GPHN: variants seen among roughly 807,000 people sequenced by gnomAD.
GPHN encodes the protein gephyrin.
Under a neutral mutation model 95.5 loss-of-function variants are expected in GPHN, and 17 were observed. That is an observed-to-expected ratio of 0.18 (90% CI 0.12 to 0.27). The LOEUF (loss-of-function observed/expected upper bound fraction) is 0.27, where lower values mean the gene tolerates loss of function less well. Among genes scored for constraint, GPHN ranks in the 10% least tolerant of loss-of-function variants. GPHN has a pLI of 1.00. For missense variants in GPHN, 660 were observed against 978.1 expected (o/e 0.67, Z 4.34); for synonymous variants, 320 against 322.5 (o/e 0.99, Z 0.08).
the GPHN span, among the ~76,000 whole-genome samples, chr14:67,238,235 C>A: frequency 2.5e-4 from 37 of 147,684 alleles, no homozygotes; most frequent in Admixed American, 1.2e-3. Context: ...AAATAGATTT[C>A]TTTTTTCTTT....
At chr14:66,829,083 T>C (rs956076166) in intron 4 of GPHN, among the ~76,000 whole-genome samples, 48 of 108,016 alleles carry the variant, frequency 4.4e-4, no homozygotes, top group Non-Finnish European at 7.6e-4. Flanking sequence ...ATTGCTTGCC[T>C]TTTTTTTTTT....
intron 3 of GPHN, among the ~76,000 whole-genome samples, chr14:66,813,472 A>G (rs1482301496): frequency 6.6e-6 from 1 of 152,182 alleles, no homozygotes; most frequent in South Asian, 2.1e-4. Flanking sequence ...TTGAACCACA[A>G]CAGCTCCAGG....
chr14:67,488,203 G>A, the GPHN span, among the ~76,000 whole-genome samples: 1 of 152,230 alleles, frequency 6.6e-6, no homozygotes, highest in East Asian at 1.9e-4. Context: ...GGTCTGTGCT[G>A]ATGCCCATGT....
At chr14:67,281,140 G>C in the GPHN span, among the ~76,000 whole-genome samples, 5 of 151,798 alleles carry the variant, frequency 3.3e-5, no homozygotes, top group Non-Finnish European at 7.4e-5. Context: ...CTCATGATCT[G>C]CCCTCCTTGA....
At chr14:67,687,118 AC>A in the GPHN span, among the ~76,000 whole-genome samples, 1 of 152,118 alleles carries the variant, frequency 6.6e-6, no homozygotes, top group East Asian at 1.9e-4. Flanking sequence ...GCTTTCCCAA[AC>A]CAAATCTCTC....
intron 3 of GPHN, among the ~76,000 whole-genome samples, chr14:66,803,856 C>A (rs1363733625): frequency 6.6e-6 from 1 of 151,994 alleles, no homozygotes; most frequent in Non-Finnish European, 1.5e-5. Flanking sequence ...TCTATTATGT[C>A]CATTAAACTT....
the GPHN span, among the ~76,000 whole-genome samples, chr14:67,534,474 T>C: frequency 1.3e-5 from 2 of 152,102 alleles, no homozygotes; most frequent in Admixed American, 6.5e-5. Flanking sequence ...TAGTCCCAGC[T>C]AACTTGGGAG....
At chr14:66,663,279 C>T (rs1261901658) in intron 1 of GPHN, among the ~76,000 whole-genome samples, 2 of 152,190 alleles carry the variant, frequency 1.3e-5, no homozygotes, top group Middle Eastern at 3.2e-3. Context: ...GCAGACCTCT[C>T]AGCGGAAACC....
intron 1 of GPHN, among the ~76,000 whole-genome samples, chr14:66,610,321 G>A (rs7161707): frequency 0.32 from 48,321 of 151,952 alleles, 11,413 homozygotes; most frequent in African/African-American, 0.64. Flanking sequence ...TTAGAGCACC[G>A]CTGTCTTCCC....
intron 1 of GPHN, among the ~76,000 whole-genome samples, chr14:66,625,636 T>G (rs557995165): frequency 5.9e-5 from 9 of 152,298 alleles, no homozygotes; most frequent in Admixed American, 3.9e-4. Context: ...CTTCCTCCAA[T>G]GCCTGTTTGT....
At position 66,535,443 on chromosome 14, in the gene GPHN, G is replaced by T. The variant is rs551984916; in HGVS notation, c.64+26852G>T. 1.7e-3 allele frequency among the ~76,000 whole-genome samples: 263 copies of T among 151,894 alleles called. 1 individual carries two copies. The highest frequency in any genetic ancestry group is 6.2e-3 in the Admixed American group (94 of 15,262). On this transcript the variant is annotated intron_variant, in intron 1 of 22. Transcript: ENST00000478722. ...TCTTCAACATTTTTTTTTGTGGTGGGTATACTCTATCCTTTGTGTTTCCAT... is the reference window on the plus strand; with the variant it reads ...TCTTCAACATTTTTTTTTGTGGTGGTTATACTCTATCCTTTGTGTTTCCAT...
the GPHN span, among the ~76,000 whole-genome samples, chr14:67,239,225 G>T: frequency 6.6e-6 from 1 of 152,064 alleles, no homozygotes. Flanking sequence ...TGGAAGTTAC[G>T]GATAAAGATA....
intron 2 of GPHN, among the ~76,000 whole-genome samples, chr14:66,693,341 A>G (rs900329796): frequency 1.3e-5 from 2 of 152,218 alleles, no homozygotes; most frequent in African/African-American, 4.8e-5. Context: ...ATTTTACTCA[A>G]ACTGGACAAT....
intron 2 of GPHN, among the ~76,000 whole-genome samples, chr14:66,719,803 T>C (rs568274992): frequency 6.6e-6 from 1 of 152,282 alleles, no homozygotes; most frequent in East Asian, 1.9e-4. Context: ...ACCTGATAAA[T>C]AACATATTTT....
At chr14:67,701,179 G>A in the GPHN span, among the ~76,000 whole-genome samples, 1 of 151,878 alleles carries the variant, frequency 6.6e-6, no homozygotes, top group Admixed American at 6.6e-5. Context: ...TGTGCAGCGA[G>A]GTATAGCACA....
At chr14:67,565,917 C>T in the GPHN span, among the ~76,000 whole-genome samples, 4 of 152,056 alleles carry the variant, frequency 2.6e-5, no homozygotes, top group East Asian at 1.9e-4. Flanking sequence ...GTCAGGAGTT[C>T]GAGACCAGCC....
chr14:67,327,107 G>A, the GPHN span, among the ~76,000 whole-genome samples: 3 of 152,130 alleles, frequency 2.0e-5, no homozygotes, highest in African/African-American at 7.2e-5. Context: ...CCCGGGAGGT[G>A]GAGGTTGCAG....
the GPHN span, among the ~76,000 whole-genome samples, chr14:67,361,502 A>G: frequency 6.6e-6 from 1 of 152,260 alleles, no homozygotes; most frequent in East Asian, 1.9e-4. Context: ...TTCAGAGAGC[A>G]TTCCTAATAC....
chr14:66,737,268 G>A (rs1006465212), intron 2 of GPHN, among the ~76,000 whole-genome samples: 3 of 150,596 alleles, frequency 2.0e-5, no homozygotes, highest in African/African-American at 7.4e-5. Flanking sequence ...CCCCTCTTTC[G>A]GGCTTTTGAG....
Sources: gnomAD v4.1 joint callset for allele counts (sites outside exome capture counted in the v4.1 genomes callset) on GRCh38, gnomAD v4.1.1 for gene constraint, MANE v1.5 for transcripts, NCBI Gene and HGNC (gene_info 2026-07-23, HGNC 2026-07-21) for gene names.